MTHFS: variants seen among roughly 807,000 people sequenced by gnomAD.
MTHFS encodes the protein 5-formyltetrahydrofolate cyclo-ligase.
Under a neutral mutation model 12.7 loss-of-function variants are expected in MTHFS, and 7 were observed. The observed-to-expected ratio is 0.55, with a 90% CI of 0.31 to 1.03. MTHFS has a LOEUF of 1.03. Among genes scored for constraint, MTHFS ranks in the 50% least tolerant of loss-of-function variants. The probability of loss-of-function intolerance (pLI) is 0.05; values close to 1 mark genes in which losing one functional copy is unlikely to be tolerated. For missense variants in MTHFS, 252 were observed against 258.1 expected (o/e 0.98, Z 0.16); for synonymous variants, 100 against 97.1 (o/e 1.03, Z -0.18).
At chr15:79,865,330 A>G (rs1015347034) in intron 2 of MTHFS, among the ~76,000 whole-genome samples, 7 of 152,230 alleles carry the variant, frequency 4.6e-5, no homozygotes, top group Non-Finnish European at 8.8e-5. Context: ...CAAACTTGGG[A>G]AAAATGTCTA....
chr15:79,851,924 C>T (rs1326581127), intron 2 of MTHFS, among the ~76,000 whole-genome samples: 1 of 152,192 alleles, frequency 6.6e-6, no homozygotes, highest in Non-Finnish European at 1.5e-5. Context: ...GAATCCAGCA[C>T]TACCACTTAT....
intron 1 of MTHFS, among the ~76,000 whole-genome samples, chr15:79,892,916 A>T (rs1467833212): frequency 6.6e-6 from 1 of 152,066 alleles, no homozygotes; most frequent in Non-Finnish European, 1.5e-5. Context: ...GGGCCACTGC[A>T]CTCCAGCCTG....
chr15:79,846,505 T>C (rs1054190980), intron 2 of MTHFS, among the ~76,000 whole-genome samples: 1 of 152,186 alleles, frequency 6.6e-6, no homozygotes, highest in African/African-American at 2.4e-5. Context: ...ACTGCCAACA[T>C]GGCTAGCCCC....
In MTHFS at chr15:79,889,267, T is replaced by G; in HGVS notation, c.205A>C (p.Lys69Gln). ...ATTTTGCCTCGTTGGAAAATGTCCT[T>G]GATGATCTCTTCTGTCTCAATTTCA... ...QDEIETEEII[K>Q]DIFQRGKICF... The change falls in exon 2 of 3, where the codon AAG becomes CAG. Residue 69 changes from lysine to glutamine, a missense_variant. Coordinates refer to ENST00000258874, the MANE Select transcript of MTHFS (RefSeq NM_006441.4). The G allele has an allele frequency of 6.2e-7, 1 of 1,614,196 alleles. No homozygotes were observed. Among genetic ancestry groups the G allele is most frequent in the Non-Finnish European group, 8.5e-7 (1 of 1,180,030 alleles).
chr15:79,848,965 A>C (rs1473921168), intron 2 of MTHFS, among the ~76,000 whole-genome samples: 1 of 152,226 alleles, frequency 6.6e-6, no homozygotes, highest in Non-Finnish European at 1.5e-5. Flanking sequence ...ATTCCGAAGT[A>C]CATAAATTTG....
chr15:79,857,143 G>C (rs1422148149), intron 2 of MTHFS, among the ~76,000 whole-genome samples: 1 of 151,896 alleles, frequency 6.6e-6, no homozygotes, highest in East Asian at 1.9e-4. Context: ...TTACAGGCAT[G>C]CACCACCACG....
At chr15:79,851,018 T>C (rs1299634207) in intron 2 of MTHFS, among the ~76,000 whole-genome samples, 1 of 152,158 alleles carries the variant, frequency 6.6e-6, no homozygotes, top group African/African-American at 2.4e-5. Flanking sequence ...TAGTGGACTG[T>C]CTTTACTGTA....
At chr15:79,859,948 T>C (rs1354166548) in intron 2 of MTHFS, among the ~76,000 whole-genome samples, 1 of 151,852 alleles carries the variant, frequency 6.6e-6, no homozygotes. Context: ...TGATGATTTA[T>C]ATAAACTCAA....
At chr15:79,857,775 C>T (rs1029687080) in intron 2 of MTHFS, among the ~76,000 whole-genome samples, 1 of 152,030 alleles carries the variant, frequency 6.6e-6, no homozygotes, top group Non-Finnish European at 1.5e-5. Flanking sequence ...AATCCCAGCA[C>T]TTTGGGAGGC....
chr15:79,892,198 A>C (rs1157681371), intron 1 of MTHFS, among the ~76,000 whole-genome samples: 2 of 152,164 alleles, frequency 1.3e-5, no homozygotes, highest in Non-Finnish European at 2.9e-5. Flanking sequence ...ATGAAGGGAA[A>C]AGAATCCAAG....
At chr15:79,847,749 T>C (rs1425982946) in intron 2 of MTHFS, among the ~76,000 whole-genome samples, 1 of 145,040 alleles carries the variant, frequency 6.9e-6, no homozygotes, top group East Asian at 2.0e-4. Flanking sequence ...CATATGAAAA[T>C]ATACTCAACA....
At chr15:79,845,498 A>G (rs1362734050) in intron 2 of MTHFS, 56 bp from the exon 3 acceptor site, 4 of 1,572,778 alleles carry the variant, frequency 2.5e-6, no homozygotes, top group South Asian at 2.3e-5. Flanking sequence ...AGATCATTTC[A>G]GGATGTGTTT....
chr15:79,878,291 C>A (rs2034235415), intron 2 of MTHFS: 1 of 151,842 alleles, frequency 6.6e-6, no homozygotes, highest in Admixed American at 6.6e-5. Context: ...CACTCAGACC[C>A]AGCAGACTCA....
intron 2 of MTHFS, among the ~76,000 whole-genome samples, chr15:79,868,873 G>A (rs1176087385): frequency 6.6e-6 from 1 of 152,030 alleles, no homozygotes; most frequent in East Asian, 1.9e-4. Flanking sequence ...TAAAAGTATA[G>A]ATATAGATGT....
At chr15:79,879,550 T>C (rs2034260978) in intron 2 of MTHFS, among the ~76,000 whole-genome samples, 2 of 152,190 alleles carry the variant, frequency 1.3e-5, no homozygotes, top group Admixed American at 1.3e-4. Context: ...ACCTTTGTGA[T>C]TGTATTTGTT....
intron 1 of MTHFS, 43 bp downstream of exon 1, chr15:79,896,829 G>T: frequency 2.0e-6 from 3 of 1,537,930 alleles, no homozygotes; most frequent in Non-Finnish European, 2.6e-6. Flanking sequence ...CAGGCCTTCG[G>T]AGGGTCTGTC....
intron 1 of MTHFS, 94 bp downstream of exon 1, chr15:79,896,778 C>A (rs1045482847): frequency 2.0e-6 from 3 of 1,498,428 alleles, no homozygotes; most frequent in Non-Finnish European, 2.7e-6. Flanking sequence ...CCTAGCCCAG[C>A]GCCAGCACGG....
chr15:79,866,142 A>T (rs961871691), intron 2 of MTHFS, among the ~76,000 whole-genome samples: 3 of 152,010 alleles, frequency 2.0e-5, no homozygotes, highest in African/African-American at 7.3e-5. Context: ...GCTAATGGCT[A>T]AGAACAAATC....
intron 2 of MTHFS, among the ~76,000 whole-genome samples, chr15:79,861,301 G>A (rs571453027): frequency 2.6e-5 from 4 of 152,044 alleles, no homozygotes; most frequent in African/African-American, 4.8e-5. Flanking sequence ...CTTATCCATC[G>A]TCCCCCTCCA....
Sources: gnomAD v4.1 joint callset for allele counts (sites outside exome capture counted in the v4.1 genomes callset) on GRCh38, gnomAD v4.1.1 for gene constraint, MANE v1.5 for transcripts, NCBI Gene and HGNC (gene_info 2026-07-23, HGNC 2026-07-21) for gene names.